KALRN: variants seen among roughly 807,000 people sequenced by gnomAD.
KALRN encodes kalirin.
Under a neutral mutation model 353.7 loss-of-function variants are expected in KALRN, and 70 were observed. That is an observed-to-expected ratio of 0.20 (90% CI 0.16 to 0.24). The LOEUF is 0.24. Among genes scored for constraint, KALRN ranks in the 10% least tolerant of loss-of-function variants. The pLI is 1.00. For synonymous variants in KALRN, 1,391 were observed against 1,434.8 expected (o/e 0.97, Z 0.69); for missense variants, 2,791 against 3,756.7 (o/e 0.74, Z 6.72).
intron 34 of KALRN, among the ~76,000 whole-genome samples, chr3:124,628,551 C>T (rs1300966764): frequency 4.4e-5 from 4 of 90,792 alleles, no homozygotes; most frequent in East Asian, 5.2e-4. Flanking sequence ...CTTTCCTTTT[C>T]TTTCTTTTCT....
At chr3:124,251,585 G>A (rs578048421) in intron 3 of KALRN, among the ~76,000 whole-genome samples, 134 of 152,212 alleles carry the variant, frequency 8.8e-4, no homozygotes, top group African/African-American at 3.1e-3. Context: ...TGCCCAGGCT[G>A]GTCTCGAACC....
chr3:124,265,298 C>CTTTTTTTTT lies in KALRN; in HGVS notation c.456+614_456+622dup, dbSNP rs3054177. Among the ~76,000 whole-genome samples the CTTTTTTTTT allele has an allele frequency of 5.9e-3, 433 of 73,082 alleles. 93 individuals carry two copies. The highest frequency in any genetic ancestry group is 7.7e-3 in the Non-Finnish European group (283 of 36,802). The allele number at this position is 73,082 out of a possible 152,430, so 47.9% of individuals were successfully genotyped here. On this transcript the variant is annotated intron_variant, in intron 4 of 59. Transcript: ENST00000682506. Reference sequence around the variant, plus strand: ...CTAGTAACTAATTTAAGAAAATATTCTTTTTTTTTTTTTTGAGATAGAGTC... The same window carrying CTTTTTTTTT: ...CTAGTAACTAATTTAAGAAAATATTCTTTTTTTTTTTTTTTTTTTTTTTGAGATAGAGTC...
intron 10 of KALRN, among the ~76,000 whole-genome samples, chr3:124,375,813 A>C (rs2086509838): frequency 6.6e-6 from 1 of 152,214 alleles, no homozygotes; most frequent in Non-Finnish European, 1.5e-5. Flanking sequence ...AATATTTTGA[A>C]GGTCCTTTAA....
intron 25 of KALRN, among the ~76,000 whole-genome samples, chr3:124,463,291 T>A (rs147029009): frequency 6.6e-6 from 1 of 152,154 alleles, no homozygotes; most frequent in Non-Finnish European, 1.5e-5. Context: ...AAAATACAAA[T>A]AGAATCTCAA....
intron 13 of KALRN, among the ~76,000 whole-genome samples, chr3:124,408,967 T>C (rs1054756199): frequency 2.0e-5 from 3 of 152,220 alleles, no homozygotes; most frequent in Non-Finnish European, 4.4e-5. Flanking sequence ...TTGGGCTTCT[T>C]TTTGAAGTGA....
intron 15 of KALRN, among the ~76,000 whole-genome samples, chr3:124,427,372 C>T (rs910841447): frequency 3.9e-5 from 6 of 152,204 alleles, no homozygotes; most frequent in Non-Finnish European, 7.4e-5. Flanking sequence ...CTGTGGCTAG[C>T]GTTTCAGAAA....
intron 1 of KALRN, among the ~76,000 whole-genome samples, chr3:124,166,774 C>T (rs2070922350): frequency 6.6e-6 from 1 of 152,172 alleles, no homozygotes; most frequent in East Asian, 1.9e-4. Flanking sequence ...CGTGGTGGCT[C>T]ATACCTGTAA....
At chr3:124,040,857 G>C (rs1448275475) in intron 1 of KALRN, among the ~76,000 whole-genome samples, 1 of 152,192 alleles carries the variant, frequency 6.6e-6, no homozygotes, top group East Asian at 1.9e-4. Flanking sequence ...GAGGCTGAAG[G>C]TCTCTTGAAG....
rs370154842 is a variant in KALRN, at chr3:124,608,986, C to T, written c.5183-23434C>T. Among the ~76,000 whole-genome samples, 7 of 152,268 alleles carry T rather than the reference C, an allele frequency of 4.6e-5. No individual in the cohort carries two copies. In the East Asian group the frequency reaches 1.3e-3, roughly 29 times the overall value. On this transcript the variant is annotated intron_variant, in intron 34 of 59. Coordinates refer to ENST00000682506, the MANE Select transcript of KALRN (RefSeq NM_001388419.1). Reference sequence around the variant, plus strand: ...GCACTGAAGGTACCATGAAAGGTACCTTAGCAGCATTCAGGCAGCCTGGAA... The same window carrying T: ...GCACTGAAGGTACCATGAAAGGTACTTTAGCAGCATTCAGGCAGCCTGGAA...
intron 25 of KALRN, among the ~76,000 whole-genome samples, chr3:124,472,458 G>A (rs1300058012): frequency 6.6e-6 from 1 of 152,182 alleles, no homozygotes; most frequent in Non-Finnish European, 1.5e-5. Context: ...GAGAGGCCAA[G>A]GCAAGAGGAC....
At chr3:124,369,597 G>A (rs2149783153) in intron 10 of KALRN, among the ~76,000 whole-genome samples, 2 of 152,242 alleles carry the variant, frequency 1.3e-5, no homozygotes, top group South Asian at 2.1e-4. Flanking sequence ...CATTTTTGTG[G>A]TGAGGGAACT....
chr3:124,642,806 G>GTTTTTTTTTTTTTGTTGTTGTTTTTTTT (rs2082213566), intron 37 of KALRN, among the ~76,000 whole-genome samples: 2 of 96,840 alleles, frequency 2.1e-5, no homozygotes, highest in Admixed American at 1.3e-4. Context: ...CCCAAGCCTC[G>GTTTTTTTTTTTTTGTTGTTGTTTTTTTT]TTTTTTTTTT....
chr3:124,709,107 A>G (rs1246023895), intron 57 of KALRN, among the ~76,000 whole-genome samples: 2 of 151,908 alleles, frequency 1.3e-5, no homozygotes, highest in Admixed American at 1.3e-4. Flanking sequence ...TGAAAGACAG[A>G]AATCAAAACA....
chr3:124,305,557 G>A (rs2077616724), intron 6 of KALRN, among the ~76,000 whole-genome samples: 1 of 152,136 alleles, frequency 6.6e-6, no homozygotes, highest in Non-Finnish European at 1.5e-5. Flanking sequence ...ACAAGATCTG[G>A]TACCAGCTGG....
chr3:124,608,075 C>T (rs144277757), intron 34 of KALRN, among the ~76,000 whole-genome samples: 2,260 of 149,334 alleles, frequency 0.015, 60 homozygotes, highest in African/African-American at 0.052. Context: ...GTGTCCTGAT[C>T]TCGGCTCACT....
intron 1 of KALRN, among the ~76,000 whole-genome samples, chr3:124,145,833 T>G (rs2067257621): frequency 6.6e-6 from 1 of 152,158 alleles, no homozygotes. Context: ...ACGTTTCAGT[T>G]AAATGGAGAT....
chr3:124,679,391 C>G, intron 50 of KALRN, 67 bp from the exon 51 acceptor site: 1 of 1,401,632 alleles, frequency 7.1e-7, no homozygotes, highest in East Asian at 2.3e-5. Context: ...TCCTCTCTCT[C>G]TAGCAAAAGC....
chr3:124,154,313 G>A (rs2068646184), intron 1 of KALRN, among the ~76,000 whole-genome samples: 1 of 152,206 alleles, frequency 6.6e-6, no homozygotes, highest in African/African-American at 2.4e-5. Flanking sequence ...AAAACAGGAA[G>A]TCAAATTGTC....
chr3:124,442,467 A>G (rs567693602), intron 19 of KALRN, among the ~76,000 whole-genome samples: 1 of 152,232 alleles, frequency 6.6e-6, no homozygotes. Context: ...CCTGGTTAAT[A>G]TATTGAACAG....
Sources: allele counts gnomAD v4.1 joint callset (sites outside exome capture counted in the v4.1 genomes callset), GRCh38; gene constraint gnomAD v4.1.1; transcripts MANE v1.5; gene names NCBI Gene and HGNC (gene_info 2026-07-23, HGNC 2026-07-21).